The following FHIT variants were observed in gnomAD, a reference collection of about 807,000 sequenced individuals.
FHIT encodes bis(5'-adenosyl)-triphosphatase.
In FHIT, 19 loss-of-function variants were observed where a neutral mutation model predicts 17.9. That is an observed-to-expected ratio of 1.06 (90% CI 0.74 to 1.56). The LOEUF is 1.56. Ranked by LOEUF, FHIT falls within the 40% of genes most tolerant of loss-of-function variation. The pLI is 0.00. For synonymous variants in FHIT, 81 were observed against 69.7 expected (o/e 1.16, Z -0.81); for missense variants, 248 against 189.2 (o/e 1.31, Z -1.82).
At chr3:60,486,018 A>C (rs2107488069) in intron 5 of FHIT, among the ~76,000 whole-genome samples, 1 of 152,278 alleles carries the variant, frequency 6.6e-6, no homozygotes. Flanking sequence ...GACTATATTG[A>C]TCAGCATGAA....
At chr3:60,188,486 A>G (rs531076146) in intron 5 of FHIT, among the ~76,000 whole-genome samples, 1 of 152,254 alleles carries the variant, frequency 6.6e-6, no homozygotes, top group South Asian at 2.1e-4. Flanking sequence ...CTTTCCGCTG[A>G]ATGATTCCTT....
chr3:61,104,758 G>C (rs965047469), intron 2 of FHIT, among the ~76,000 whole-genome samples: 1 of 152,032 alleles, frequency 6.6e-6, no homozygotes, highest in African/African-American at 2.4e-5. Context: ...CAGAGGTTTT[G>C]TTCATTCTTT....
intron 4 of FHIT, among the ~76,000 whole-genome samples, chr3:60,789,283 C>A (rs1489644331): frequency 6.6e-6 from 1 of 151,574 alleles, no homozygotes; most frequent in Non-Finnish European, 1.5e-5. Flanking sequence ...TTTTGGGAGG[C>A]CAAGGCGGGT....
chr3:60,519,389 T>C (rs981109607), intron 5 of FHIT, among the ~76,000 whole-genome samples: 9 of 152,182 alleles, frequency 5.9e-5, no homozygotes, highest in Non-Finnish European at 8.8e-5. Flanking sequence ...ATATTTACAG[T>C]TGGCCCTTGA....
At chr3:59,755,637 C>G (rs1187163972) in intron 8 of FHIT, among the ~76,000 whole-genome samples, 3 of 152,146 alleles carry the variant, frequency 2.0e-5, no homozygotes, top group Non-Finnish European at 4.4e-5. Flanking sequence ...CTCTGTAATG[C>G]CAGGGGCCAG....
chr3:60,235,953 C>T (rs544418402), intron 5 of FHIT, among the ~76,000 whole-genome samples: 3 of 152,130 alleles, frequency 2.0e-5, no homozygotes, highest in Non-Finnish European at 2.9e-5. Context: ...GCTCCTTTTG[C>T]TAAAAAACCC....
chr3:61,043,304 T>C (rs568290439), intron 2 of FHIT, among the ~76,000 whole-genome samples: 37 of 152,274 alleles, frequency 2.4e-4, no homozygotes, highest in Middle Eastern at 3.4e-3. Context: ...CAGGAGATTA[T>C]ATCCCGCGCC....
At chr3:60,490,823 A>G (rs533224961) in intron 5 of FHIT, among the ~76,000 whole-genome samples, 8 of 152,312 alleles carry the variant, frequency 5.3e-5, no homozygotes, top group Admixed American at 1.3e-4. Flanking sequence ...TACAGGGTAG[A>G]TAGTAGCATC....
At chr3:60,065,104 A>T (rs970472310) in intron 5 of FHIT, among the ~76,000 whole-genome samples, 1 of 152,214 alleles carries the variant, frequency 6.6e-6, no homozygotes, top group African/African-American at 2.4e-5. Flanking sequence ...GGCAAAGAGC[A>T]ATCAACTCAC....
chr3:61,122,359 A>G (rs998536030), intron 2 of FHIT, among the ~76,000 whole-genome samples: 2 of 152,228 alleles, frequency 1.3e-5, no homozygotes, highest in Non-Finnish European at 2.9e-5. Context: ...TTAACTCAAG[A>G]TGGATTACAG....
chr3:59,931,744 G>A (rs904679484), intron 7 of FHIT, among the ~76,000 whole-genome samples: 58 of 152,112 alleles, frequency 3.8e-4, no homozygotes, highest in African/African-American at 1.4e-3. Flanking sequence ...GAGTTTCGTG[G>A]CTTAACAATT....
At chr3:61,002,714 C>T (rs1446539471) in intron 3 of FHIT, among the ~76,000 whole-genome samples, 1 of 152,076 alleles carries the variant, frequency 6.6e-6, no homozygotes, top group Non-Finnish European at 1.5e-5. Flanking sequence ...GTTGATTGCT[C>T]AGGGTAAGAA....
chr3:59,819,060 G>A (rs1700702572), intron 8 of FHIT, among the ~76,000 whole-genome samples: 1 of 152,198 alleles, frequency 6.6e-6, no homozygotes, highest in South Asian at 2.1e-4. Flanking sequence ...ACTTGAAGTG[G>A]TGTAGAAACA....
intron 5 of FHIT, among the ~76,000 whole-genome samples, chr3:60,483,516 G>A (rs1175408585): frequency 1.3e-5 from 2 of 152,252 alleles, no homozygotes; most frequent in East Asian, 3.9e-4. Context: ...ATTCAATGGT[G>A]GTTCAACATA....
intron 5 of FHIT, among the ~76,000 whole-genome samples, chr3:60,209,705 C>A (rs995850851): frequency 2.2e-4 from 33 of 152,226 alleles, no homozygotes; most frequent in African/African-American, 7.9e-4. Flanking sequence ...CAATGATGAA[C>A]TGGATCAAGA....
intron 4 of FHIT, among the ~76,000 whole-genome samples, chr3:60,707,251 G>T (rs909408258): frequency 6.6e-6 from 1 of 152,134 alleles, no homozygotes; most frequent in African/African-American, 2.4e-5. Context: ...TGGAAACCGT[G>T]ATGACAATTT....
chr3:61,214,426 C>G (rs551767900), intron 1 of FHIT, among the ~76,000 whole-genome samples: 22 of 152,036 alleles, frequency 1.4e-4, no homozygotes, highest in Admixed American at 3.3e-4. Context: ...ATAAATTCCT[C>G]GACACATACA....
At chr3:60,788,210 T>G (rs1295005500) in intron 4 of FHIT, among the ~76,000 whole-genome samples, 2 of 152,176 alleles carry the variant, frequency 1.3e-5, no homozygotes, top group Non-Finnish European at 2.9e-5. Flanking sequence ...GAGGATTACT[T>G]GAGCCCAGGA....
chr3:60,877,003 G>C lies in FHIT; in HGVS notation c.-110-54992C>G, dbSNP rs1205088196. Among the ~76,000 whole-genome samples, 4 of 152,286 alleles carry C rather than the reference G, an allele frequency of 2.6e-5. No individual in the cohort carries two copies. The East Asian group carries it at 5.8e-4, about 22-fold the overall frequency. ...GAAAAAGGCAAGCAAGAGGATTCCA[G>C]TAGCCTCCACCAACACCTTGGACAC... On this transcript the variant is annotated intron_variant, in intron 3 of 9. Coordinates refer to ENST00000492590, the MANE Select transcript of FHIT (RefSeq NM_002012.4).
Sources: allele counts gnomAD v4.1 joint callset (sites outside exome capture counted in the v4.1 genomes callset), GRCh38; gene constraint gnomAD v4.1.1; transcripts MANE v1.5; gene names NCBI Gene and HGNC (gene_info 2026-07-23, HGNC 2026-07-21).